HDX: variants seen among roughly 807,000 people sequenced by gnomAD.
The protein encoded by HDX is highly divergent homeobox.
In HDX, 19 loss-of-function variants were observed where a neutral mutation model predicts 45.2. The observed-to-expected ratio is 0.42, with a 90% confidence interval of 0.29 to 0.62. The LOEUF (loss-of-function observed/expected upper bound fraction) is 0.62. Among genes scored for constraint, HDX ranks in the 20% least tolerant of loss-of-function variants. The pLI, the probability that HDX is intolerant of heterozygous loss-of-function variation, is 0.20. For synonymous variants in HDX, 188 were observed against 172.8 expected, an observed-to-expected ratio of 1.09 and a Z score of -0.69; for missense variants, 532 against 493.9, an observed-to-expected ratio of 1.08 and a Z score of -0.73.
chrX:84,351,161 T>C (rs1224795108), intron 6 of HDX, among the ~76,000 whole-genome samples: 1 of 109,818 alleles, frequency 9.1e-6, no homozygotes, highest in Non-Finnish European at 1.9e-5. Flanking sequence ...CTGGGTGGAG[T>C]TGGGAGCCCA....
At chrX:84,430,725 G>A (rs4528020) in intron 5 of HDX, among the ~76,000 whole-genome samples, 42,992 of 108,142 alleles carry the variant, frequency 0.4, 7,067 homozygotes, top group Middle Eastern at 0.56. Flanking sequence ...TCCTAATAAA[G>A]TAAGGTGTTA....
intron 5 of HDX, among the ~76,000 whole-genome samples, chrX:84,419,288 G>T (rs921288243): frequency 3.6e-5 from 4 of 110,129 alleles, no homozygotes; most frequent in Admixed American, 1.9e-4. Flanking sequence ...CCTCTTCTGG[G>T]CCAGAGAAGA....
chrX:84,502,124 G>T (rs2041132522), intron 1 of HDX, among the ~76,000 whole-genome samples: 1 of 110,786 alleles, frequency 9.0e-6, no homozygotes, highest in Non-Finnish European at 1.9e-5. Flanking sequence ...ATCCCTATCC[G>T]CAGCTCGTTT....
chrX:84,322,628 A>G (rs2036620954), intron 10 of HDX, among the ~76,000 whole-genome samples: 1 of 110,913 alleles, frequency 9.0e-6, no homozygotes, highest in African/African-American at 3.3e-5. Flanking sequence ...TATCTGTAGT[A>G]ATGATGTATC....
chrX:84,445,956 A>G (rs1209462889), intron 4 of HDX, among the ~76,000 whole-genome samples: 2 of 111,662 alleles, frequency 1.8e-5, no homozygotes, highest in African/African-American at 6.5e-5. Flanking sequence ...ACTACAAGAA[A>G]TTAAAATCAG....
intron 5 of HDX, among the ~76,000 whole-genome samples, chrX:84,370,314 G>T (rs1003112247): frequency 9.0e-6 from 1 of 111,274 alleles, no homozygotes; most frequent in Non-Finnish European, 1.9e-5. Flanking sequence ...ATCTTTCCTT[G>T]GTCCCCAGCT....
In HDX at chrX:84,333,741, T is replaced by G; in HGVS notation, c.1824+18A>C. The G allele has an allele frequency of 1.4e-6, 1 of 716,823 alleles. No homozygotes were observed. Among genetic ancestry groups the G allele is most frequent in the Non-Finnish European group, 2.2e-6 (1 of 463,211 alleles). The allele number at this position is 716,823 out of a possible 1,213,427, so 59.1% of individuals were successfully genotyped here. The stretch of plus-strand genomic sequence containing the variant: ...TTAATACCTTCTCTTAATAAATTCA[T>G]AATTTAAAATTACCTACCTTATAAT... On this transcript the variant is annotated intron_variant, in intron 9 of 10. Coordinates refer to ENST00000373177, the MANE Select transcript of HDX (RefSeq NM_001177479.2).
At position 84,361,597 on chromosome X, in the gene HDX, G is replaced by T; in HGVS notation, c.1321C>A (p.Gln441Lys). The T allele has an allele frequency of 8.4e-7, 1 of 1,193,985 alleles. No homozygotes were observed. ...SRKRALQDRT[Q>K]FSDRDLATLK... ...GTGGCTAAGTCTCGGTCACTGAACT[G>T]AGTGCGGTCCTGTAGCTGAAAAACA... is the stretch of plus-strand genomic sequence containing the variant. Residue 441 changes from glutamine to lysine, a missense_variant, in exon 6 of 11, where the codon CAG becomes AAG. Physicochemically the swap from Gln to Lys is moderately conservative, Grantham distance 53 (BLOSUM62 1). This residue lies in a region of HDX where 376 missense variants were observed against 343.7 expected (regional missense o/e 1.09). Coordinates refer to ENST00000373177, the MANE Select transcript of HDX (RefSeq NM_001177479.2).
At chrX:84,373,797 A>G (rs1191988703) in intron 5 of HDX, among the ~76,000 whole-genome samples, 1 of 111,557 alleles carries the variant, frequency 9.0e-6, no homozygotes, top group East Asian at 2.8e-4. Context: ...CCCACAGCCA[A>G]TATCATACTG....
chrX:84,386,128 T>C (rs1393075223), intron 5 of HDX, among the ~76,000 whole-genome samples: 1 of 111,625 alleles, frequency 9.0e-6, no homozygotes. Context: ...TTTTTTATTT[T>C]AATTCTCTTC....
intron 6 of HDX, among the ~76,000 whole-genome samples, chrX:84,346,999 C>A (rs996878039): frequency 1.8e-5 from 2 of 111,183 alleles, no homozygotes; most frequent in Non-Finnish European, 3.8e-5. Context: ...TTATTTAGAT[C>A]TTTGATTTCT....
At chrX:84,423,641 A>T (rs59392857) in intron 5 of HDX, among the ~76,000 whole-genome samples, 3 of 111,220 alleles carry the variant, frequency 2.7e-5, no homozygotes, top group Admixed American at 1.9e-4. Context: ...TACCCCTAAG[A>T]TGCAAGGGTG....
intron 6 of HDX, among the ~76,000 whole-genome samples, chrX:84,356,480 T>C (rs2037486413): frequency 9.0e-6 from 1 of 111,181 alleles, no homozygotes; most frequent in African/African-American, 3.3e-5. Flanking sequence ...GATCTTTGTG[T>C]AGGAATAAGA....
chrX:84,415,841 C>T (rs771482767), intron 5 of HDX, among the ~76,000 whole-genome samples: 5 of 111,602 alleles, frequency 4.5e-5, no homozygotes, highest in Admixed American at 3.8e-4. Flanking sequence ...ACTTAATGTG[C>T]GGAATGTAAC....
At chrX:84,445,945 A>T (rs1357446658) in intron 4 of HDX, among the ~76,000 whole-genome samples, 5 of 111,555 alleles carry the variant, frequency 4.5e-5, no homozygotes, top group Non-Finnish European at 7.6e-5. Context: ...AAATTTTACA[A>T]ACTACAAGAA....
chrX:84,350,355 G>A (rs191334580), intron 6 of HDX, among the ~76,000 whole-genome samples: 2 of 111,219 alleles, frequency 1.8e-5, no homozygotes, highest in Non-Finnish European at 3.8e-5. Context: ...GATTGAGGGT[G>A]TTTTGGGGTT....
At chrX:84,421,297 G>A (rs945173969) in intron 5 of HDX, among the ~76,000 whole-genome samples, 1 of 111,551 alleles carries the variant, frequency 9.0e-6, no homozygotes, top group African/African-American at 3.3e-5. Context: ...ATAAACTATA[G>A]AGTATTAGTT....
chrX:84,397,600 G>T (rs892063605), intron 5 of HDX, among the ~76,000 whole-genome samples: 4 of 111,390 alleles, frequency 3.6e-5, no homozygotes, highest in African/African-American at 1.3e-4. Flanking sequence ...TGAGGAGGCT[G>T]CCTTTCTTCC....
chrX:84,475,170 C>T (rs2040522573), intron 3 of HDX, 81 bp downstream of exon 3: 19 of 827,711 alleles, frequency 2.3e-5, no homozygotes, highest in Non-Finnish European at 3.1e-5. Flanking sequence ...GACTTCATAC[C>T]CTGAATATTT....
Sources: gnomAD v4.1 joint callset for allele counts (sites outside exome capture counted in the v4.1 genomes callset) on GRCh38, gnomAD v4.1.1 for gene constraint, gnomAD v4.1.1 regional missense constraint, MANE v1.5 for transcripts, NCBI Gene and HGNC (gene_info 2026-07-23, HGNC 2026-07-21) for gene names.